The following MAGED1 variants were observed in gnomAD, a reference collection of about 807,000 sequenced individuals.
MAGED1 encodes MAGE family member D1.
In MAGED1, 3 loss-of-function variants were observed where a neutral mutation model predicts 54.1. The observed-to-expected ratio is 0.06, with a 90% CI of 0.03 to 0.14. The LOEUF is 0.14. MAGED1 is among the 10% of genes least tolerant of loss of function. The probability of loss-of-function intolerance (pLI) is 1.00; values close to 1 mark genes in which losing one functional copy is unlikely to be tolerated. For synonymous variants in MAGED1, 217 were observed against 227.3 expected, an observed-to-expected ratio of 0.95 and a Z score of 0.41; for missense variants, 485 against 623.4, an observed-to-expected ratio of 0.78 and a Z score of 2.36.
intron 1 of MAGED1, among the ~76,000 whole-genome samples, chrX:51,843,456 A>G (rs1176998885): frequency 9.0e-6 from 1 of 111,291 alleles, no homozygotes; most frequent in Non-Finnish European, 1.9e-5. Flanking sequence ...AGAAGATGCT[A>G]TCTTGATGGC....
At chrX:51,879,715 AT>A (rs1704373870) in intron 1 of MAGED1, among the ~76,000 whole-genome samples, 1 of 111,469 alleles carries the variant, frequency 9.0e-6, no homozygotes, top group South Asian at 3.8e-4. Flanking sequence ...GTGACTCCAG[AT>A]TTGCCTATCC....
intron 1 of MAGED1, among the ~76,000 whole-genome samples, chrX:51,809,202 C>T (rs1925133510): frequency 9.0e-6 from 1 of 111,445 alleles, no homozygotes; most frequent in African/African-American, 3.3e-5. Flanking sequence ...GCAATCTCCG[C>T]CTGCCGGGTT....
At chrX:51,902,097 TTTGATATATATCA>T in intron 12 of MAGED1, 36 bp from the exon 13 acceptor site, 1 of 447,732 alleles carries the variant, frequency 2.2e-6, no homozygotes, top group Non-Finnish European at 3.5e-6. Context: ...TTCCTTATTA[TTTGATATATATCA>T]TTGATTTTTT....
chrX:51,897,050 C>T lies in MAGED1; in HGVS notation c.1395C>T (p.Pro465=). 8.3e-7 allele frequency: 1 copy of T among 1,211,605 alleles called. No homozygotes were observed. Among genetic ancestry groups the T allele is most frequent in the Non-Finnish European group, 1.1e-6 (1 of 895,330 alleles). Residue 465 remains proline (P), a synonymous_variant, in exon 4 of 13, where the codon CCC becomes CCT. Transcript: ENST00000326587. ...CACAGAACCCAGGTGCTGCACAGCC[C>T]CGAGATGTGGCCCTTCTTCAGGAAA... is the stretch of plus-strand genomic sequence containing the variant. ...RASQNPGAAQ[P]RDVALLQERA...
In MAGED1 at chrX:51,901,796, T is replaced by C. The variant is rs1196023954; in HGVS notation, c.2203T>C (p.Trp735Arg). 5 of 1,209,792 alleles carry C rather than the reference T, an allele frequency of 4.1e-6. No homozygotes were observed. The highest frequency in any genetic ancestry group is 5.6e-6 in the Non-Finnish European group (5 of 895,305). Residue 735 changes from tryptophan to arginine, a missense_variant, in exon 12 of 13, where the codon TGG becomes CGG. By Grantham distance (101) the Trp-to-Arg change is moderately radical. Transcript: ENST00000326587. ...CTGGTCCAGAATTCCATTTACCTTC[T>C]GGGCCAGATACCACCAGAATGCCCG... ...DPWSRIPFTF[W>R]ARYHQNARSR...
At chrX:51,854,565 A>C (rs909853277) in intron 1 of MAGED1, among the ~76,000 whole-genome samples, 2 of 111,694 alleles carry the variant, frequency 1.8e-5, no homozygotes, top group African/African-American at 6.5e-5. Flanking sequence ...GTTCACCTAC[A>C]TATTAACTCT....
intron 9 of MAGED1, 87 bp downstream of exon 9, chrX:51,898,414 C>G: frequency 9.0e-7 from 1 of 1,111,832 alleles, no homozygotes; most frequent in South Asian, 2.0e-5. Flanking sequence ...ACCTGGGGGT[C>G]TGGAGGGTTT....
chrX:51,873,534 T>TGACA, intron 1 of MAGED1, among the ~76,000 whole-genome samples: 2 of 90,579 alleles, frequency 2.2e-5, no homozygotes, highest in Admixed American at 2.5e-4. Context: ...TGTGTGTGTG[T>TGACA]GAGAGAGAGA....
chrX:51,821,549 C>G (rs1477065859), intron 1 of MAGED1, among the ~76,000 whole-genome samples: 1 of 110,848 alleles, frequency 9.0e-6, no homozygotes, highest in Non-Finnish European at 1.9e-5. Context: ...TGCCACCTTG[C>G]CGGATAGTTT....
intron 11 of MAGED1, among the ~76,000 whole-genome samples, 167 bp downstream of exon 11, chrX:51,900,463 A>C (rs1928964668): frequency 9.0e-6 from 1 of 111,187 alleles, no homozygotes; most frequent in African/African-American, 3.3e-5. Context: ...TTAGGTGCTA[A>C]CATATGTTAA....
At chrX:51,842,099 A>G (rs1181406880) in intron 1 of MAGED1, among the ~76,000 whole-genome samples, 2 of 112,075 alleles carry the variant, frequency 1.8e-5, no homozygotes, top group Admixed American at 1.9e-4. Flanking sequence ...TAATGTTGTA[A>G]TGAACTTACA....
intron 1 of MAGED1, among the ~76,000 whole-genome samples, chrX:51,816,785 A>T (rs1420222010): frequency 9.0e-6 from 1 of 111,668 alleles, no homozygotes; most frequent in Non-Finnish European, 1.9e-5. Context: ...AGAAACGGAG[A>T]TCCACAATTT....
intron 1 of MAGED1, among the ~76,000 whole-genome samples, chrX:51,811,968 A>G (rs1925234608): frequency 9.0e-6 from 1 of 110,586 alleles, no homozygotes; most frequent in South Asian, 3.9e-4. Flanking sequence ...TAATGAGAAC[A>G]TGTAATTGAC....
intron 2 of MAGED1, chrX:51,894,839 C>T: frequency 9.0e-7 from 1 of 1,114,349 alleles, no homozygotes; most frequent in Non-Finnish European, 1.2e-6. Flanking sequence ...TCATTTTGCC[C>T]TTGCCCTACT....
chrX:51,891,166 TAAA>T (rs1347629258), upstream of MAGED1, among the ~76,000 whole-genome samples: 7 of 112,187 alleles, frequency 6.2e-5, no homozygotes, highest in Non-Finnish European at 1.1e-4. Flanking sequence ...TTTGTAAAAA[TAAA>T]AAACAACTTT....
Position 51,897,534 on chromosome X carries a change from C to G in MAGED1, c.1487-13C>G. The G allele has an allele frequency of 8.4e-7, 1 of 1,188,504 alleles. No individual in the cohort carries two copies. The highest frequency in any genetic ancestry group is 3.0e-5 in the East Asian group (1 of 33,698). The stretch of plus-strand genomic sequence containing the variant: ...CCCGCTCGGCTCAGATGGCTCCCTC[C>G]TCTCTCCTACAGAAATGCTGAGAGA... On this transcript the variant is annotated splice_polypyrimidine_tract_variant and intron_variant, in intron 5 of 12. Coordinates refer to ENST00000326587, the MANE Select transcript of MAGED1 (RefSeq NM_006986.4).
intron 1 of MAGED1, among the ~76,000 whole-genome samples, chrX:51,825,845 T>C (rs200671808): frequency 6.8e-4 from 77 of 112,600 alleles, no homozygotes; most frequent in East Asian, 3.6e-3. Context: ...CCTCAGCTTT[T>C]CCTTTCATTC....
intron 1 of MAGED1, among the ~76,000 whole-genome samples, chrX:51,803,270 C>T (rs1924913758): frequency 1.8e-5 from 2 of 110,983 alleles, no homozygotes; most frequent in Admixed American, 9.5e-5. Flanking sequence ...TGGTTCTGAT[C>T]GCCTCGCTAT....
chrX:51,877,069 G>A (rs1332257045), intron 1 of MAGED1, among the ~76,000 whole-genome samples: 1 of 110,235 alleles, frequency 9.1e-6, no homozygotes, highest in African/African-American at 3.3e-5. Flanking sequence ...AATAGCAAAG[G>A]ACATCCTCAG....
Sources: gnomAD v4.1 joint callset for allele counts (sites outside exome capture counted in the v4.1 genomes callset) on GRCh38, gnomAD v4.1.1 for gene constraint, MANE v1.5 for transcripts, NCBI Gene and HGNC (gene_info 2026-07-23, HGNC 2026-07-21) for gene names.